Variants in MYLK4 observed in about 807,000 individuals in gnomAD.
The protein encoded by MYLK4 is caMLCK like.
A neutral mutation model predicts 48.1 loss-of-function variants in MYLK4; 46 were observed. The observed-to-expected ratio is 0.96, with a 90% CI of 0.75 to 1.22. MYLK4 has a LOEUF of 1.22. MYLK4 is among the 50% of genes most tolerant of loss of function. The probability of loss-of-function intolerance (pLI) is 0.00; values close to 1 mark genes in which losing one functional copy is unlikely to be tolerated. For synonymous variants in MYLK4, 170 were observed against 180.8 expected (o/e 0.94, Z 0.48); for missense variants, 451 against 486.1 (o/e 0.93, Z 0.68).
intron 1 of MYLK4, among the ~76,000 whole-genome samples, chr6:2,750,223 T>G (rs1764246453): frequency 6.6e-6 from 1 of 152,202 alleles, no homozygotes; most frequent in Non-Finnish European, 1.5e-5. Context: ...TTTTCTCCGC[T>G]TAAAAACCGT....
Position 2,667,554 on chromosome 6 carries a change from T to C in MYLK4, c.*371A>G. The C allele has an allele frequency of 6.6e-6, 1 of 152,652 alleles. No individual in the cohort carries two copies. The allele number at this position is 152,652 out of a possible 1,614,324, so 9.5% of individuals were successfully genotyped here. A position where few individuals can be genotyped will look rare whatever the true frequency, so the allele number is the denominator to read the frequency against. On this transcript the variant is annotated 3_prime_UTR_variant, in exon 13 of 13. Coordinates refer to ENST00000274643, the MANE Select transcript of MYLK4 (RefSeq NM_001012418.5). ...CAGTTTTAAAATCTCCAATCAATCTTAAGTGTCACAGCTGTAGTCATTTGA... is the reference window on the plus strand; with the variant it reads ...CAGTTTTAAAATCTCCAATCAATCTCAAGTGTCACAGCTGTAGTCATTTGA...
chr6:2,665,535 C>G lies in MYLK4; in HGVS notation c.*2390G>C, dbSNP rs886791610. The G allele has an allele frequency of 2.0e-5, 3 of 152,274 alleles. No homozygotes were observed. The highest frequency in any genetic ancestry group is 6.5e-5 in the Admixed American group (1 of 15,284). The allele number at this position is 152,274 out of a possible 1,614,324, so 9.4% of individuals were successfully genotyped here. The stretch of plus-strand genomic sequence containing the variant: ...ACAAAACAAAAATCACACCCACTCA[C>G]TGCAGGGTCATCAGTGCATTAACTT... On this transcript the variant is annotated 3_prime_UTR_variant, in exon 13 of 13. Transcript: ENST00000274643.
chr6:2,766,327 G>A, the MYLK4 span: 4 of 1,610,686 alleles, frequency 2.5e-6, no homozygotes, highest in East Asian at 4.5e-5. Context: ...GTCCTGACAC[G>A]CTGCAGGATT....
chr6:2,703,576 C>T (rs1762378429), intron 2 of MYLK4, among the ~76,000 whole-genome samples: 1 of 151,122 alleles, frequency 6.6e-6, no homozygotes, highest in Admixed American at 6.6e-5. Context: ...TTCTGATGCA[C>T]ATGGTCCAGT....
intron 2 of MYLK4, among the ~76,000 whole-genome samples, chr6:2,704,999 T>C (rs1162617403): frequency 2.6e-5 from 4 of 152,204 alleles, no homozygotes; most frequent in East Asian, 1.9e-4. Flanking sequence ...AGAAACTTTA[T>C]ATGGTTGCAA....
rs555407070 is a variant in MYLK4 at position 2,682,910 on chromosome 6, A to G, written c.687+111T>C. 4.2e-6 allele frequency: 5 copies of G among 1,194,216 alleles called. No individual in the cohort carries two copies. The South Asian group carries it at 6.8e-5, about 16-fold the overall frequency. The allele number at this position is 1,194,216 out of a possible 1,614,324, so 74.0% of individuals were successfully genotyped here. A position where few individuals can be genotyped will look rare whatever the true frequency, so the allele number is the denominator to read the frequency against. Reference sequence around the variant, plus strand: ...AGGGTAACAATTCAGATGTTTATTCATTTCTGAAATGACTGTACCAATTTC... The same window carrying G: ...AGGGTAACAATTCAGATGTTTATTCGTTTCTGAAATGACTGTACCAATTTC... On this transcript the variant is annotated intron_variant, in intron 7 of 12. Coordinates refer to ENST00000274643, the MANE Select transcript of MYLK4 (RefSeq NM_001012418.5).
At chr6:2,766,036 G>A in the MYLK4 span, 14 of 1,305,314 alleles carry the variant, frequency 1.1e-5, no homozygotes, top group Middle Eastern at 2.9e-4. Flanking sequence ...GGAGGAAGGG[G>A]TCGGGGAAGA....
the MYLK4 span, chr6:2,765,733 C>T: frequency 1.1e-4 from 163 of 1,528,614 alleles, no homozygotes; most frequent in African/African-American, 2.1e-3. Flanking sequence ...CGCACCTGGA[C>T]CGCTGTCTGC....
intron 2 of MYLK4, among the ~76,000 whole-genome samples, chr6:2,706,683 T>C (rs6932775): frequency 0.18 from 27,541 of 152,146 alleles, 2,563 homozygotes; most frequent in Admixed American, 0.22. Flanking sequence ...AGGGCCCCAC[T>C]TGAAATTCTT....
At chr6:2,736,604 AT>A (rs1763682469) in intron 2 of MYLK4, among the ~76,000 whole-genome samples, 1 of 152,268 alleles carries the variant, frequency 6.6e-6, no homozygotes, top group Non-Finnish European at 1.5e-5. Context: ...TCATTATGTT[AT>A]GGTGAACTAG....
intron 3 of MYLK4, among the ~76,000 whole-genome samples, chr6:2,690,823 CTTTTTTT>C (rs35133716): frequency 4.5e-5 from 4 of 88,834 alleles, no homozygotes; most frequent in African/African-American, 1.9e-4. Flanking sequence ...CTCTCTGAAT[CTTTTTTT>C]TTTTTTTTTT....
chr6:2,739,613 A>G (rs1480165392), intron 2 of MYLK4, among the ~76,000 whole-genome samples: 1 of 152,214 alleles, frequency 6.6e-6, no homozygotes, highest in Non-Finnish European at 1.5e-5. Flanking sequence ...AATTGAGCAC[A>G]TAGCATACTA....
chr6:2,678,995 C>T (rs1259296627), intron 9 of MYLK4, among the ~76,000 whole-genome samples: 3 of 152,160 alleles, frequency 2.0e-5, no homozygotes, highest in Non-Finnish European at 4.4e-5. Flanking sequence ...AGCCACCGCG[C>T]CAGGCCATGT....
intron 2 of MYLK4, among the ~76,000 whole-genome samples, chr6:2,725,044 G>A (rs532431243): frequency 5.3e-5 from 8 of 152,278 alleles, no homozygotes; most frequent in Non-Finnish European, 1.0e-4. Context: ...CCAGCTGCTC[G>A]AGAGGCTGAG....
chr6:2,758,693 C>T, the MYLK4 span, among the ~76,000 whole-genome samples: 10 of 152,150 alleles, frequency 6.6e-5, no homozygotes, highest in East Asian at 1.3e-3. Context: ...TATATAGCTT[C>T]GTTTTGGCAG....
chr6:2,688,201 G>A (rs1396814293), intron 4 of MYLK4, among the ~76,000 whole-genome samples: 1 of 152,032 alleles, frequency 6.6e-6, no homozygotes, highest in African/African-American at 2.4e-5. Flanking sequence ...TGGGATTACA[G>A]GCATGCGCCA....
the MYLK4 span, chr6:2,768,947 C>A: frequency 6.7e-7 from 1 of 1,484,106 alleles, no homozygotes; most frequent in Non-Finnish European, 9.1e-7. Context: ...TGTGTGAGAT[C>A]ACTATACAAA....
In MYLK4 at chr6:2,692,838, C is replaced by A. The variant is rs769222286; in HGVS notation, c.181G>T (p.Ala61Ser). Residue 61 changes from alanine (A) to serine (S), a missense_variant, in exon 3 of 13, where the codon GCC (alanine) becomes TCC (serine). Ala to Ser is a moderately conservative substitution (Grantham distance 99). Transcript: ENST00000274643. ...ACGGGCATCCTTTCCGTCAGGTCGG[C>A]GTTTGACCACACCTCCTTCGCCTGT... Reference protein sequence around the residue: ...HNEAKEVWSNADLTERMPVKS... With the variant: ...HNEAKEVWSNSDLTERMPVKS... 6.2e-7 allele frequency: 1 copy of A among 1,613,478 alleles called. No homozygotes were observed. The highest frequency in any genetic ancestry group is 1.1e-5 in the South Asian group (1 of 90,862).
At chr6:2,765,509 T>C in the MYLK4 span, 1 of 1,262,188 alleles carries the variant, frequency 7.9e-7, no homozygotes, top group Non-Finnish European at 1.0e-6. Context: ...AGCGTCCTGC[T>C]GGTTCCCCGA....
Sources: gnomAD v4.1 joint callset for allele counts (sites outside exome capture counted in the v4.1 genomes callset) on GRCh38, gnomAD v4.1.1 for gene constraint, MANE v1.5 for transcripts, NCBI Gene and HGNC (gene_info 2026-07-23, HGNC 2026-07-21) for gene names.